ZC3H12B: variants seen among roughly 807,000 people sequenced by gnomAD.
The protein encoded by ZC3H12B is probable ribonuclease ZC3H12B.
ZC3H12B carries 7 observed loss-of-function variants against 43.9 expected under a neutral mutation model. The observed-to-expected ratio is 0.16, with a 90% CI of 0.09 to 0.30. The LOEUF (loss-of-function observed/expected upper bound fraction) is 0.30, where lower values mean the gene tolerates loss of function less well. ZC3H12B is among the 10% of genes least tolerant of loss of function. The pLI, the probability that ZC3H12B is intolerant of heterozygous loss-of-function variation, is 1.00. For synonymous variants in ZC3H12B, 222 were observed against 241.7 expected (o/e 0.92, Z 0.76); for missense variants, 475 against 670.2 (o/e 0.71, Z 3.22).
At chrX:65,349,497 CAAG>C in the ZC3H12B span, among the ~76,000 whole-genome samples, 1 of 111,350 alleles carries the variant, frequency 9.0e-6, no homozygotes, top group Non-Finnish European at 1.9e-5. Context: ...TAGCAGAAGA[CAAG>C]AAATAACTAA....
intron 3 of ZC3H12B, among the ~76,000 whole-genome samples, chrX:65,460,904 C>T (rs199834969): frequency 2.7e-5 from 3 of 111,653 alleles, no homozygotes; most frequent in South Asian, 7.5e-4. Context: ...AAAGAAGCTA[C>T]CACCAGAGTG....
chrX:65,488,363 T>G (rs1192947627), upstream of ZC3H12B, among the ~76,000 whole-genome samples: 2 of 101,929 alleles, frequency 2.0e-5, no homozygotes, highest in South Asian at 5.3e-4. Flanking sequence ...AGCAGATAAC[T>G]TTAGCTGTTA....
the ZC3H12B span, chrX:65,331,082 T>C: frequency 3.2e-6 from 1 of 316,123 alleles, no homozygotes; most frequent in Non-Finnish European, 6.2e-6. Flanking sequence ...AACCCTATTT[T>C]TATTCCACCA....
chrX:65,448,007 T>C (rs186801109), intron 3 of ZC3H12B, among the ~76,000 whole-genome samples: 1,801 of 110,832 alleles, frequency 0.016, 49 homozygotes, highest in African/African-American at 0.056. Context: ...CTGAGGCAGG[T>C]GGATCACGAG....
chrX:65,403,422 A>AAGTT (rs1474937126), intron 3 of ZC3H12B, among the ~76,000 whole-genome samples: 1 of 111,997 alleles, frequency 8.9e-6, no homozygotes, highest in Non-Finnish European at 1.9e-5. Flanking sequence ...CAACAGGATA[A>AAGTT]TAAAAGAGAT....
At chrX:65,119,861 A>G in the ZC3H12B span, among the ~76,000 whole-genome samples, 2 of 112,204 alleles carry the variant, frequency 1.8e-5, no homozygotes, top group African/African-American at 6.5e-5. Flanking sequence ...AGCTTTCTAC[A>G]TATGGCTAGC....
intron 3 of ZC3H12B, among the ~76,000 whole-genome samples, chrX:65,410,107 G>GAAAAAAAAAAAA (rs35885886): frequency 2.2e-5 from 1 of 45,526 alleles, no homozygotes; most frequent in Non-Finnish European, 6.1e-5. Flanking sequence ...TATTAAATCA[G>GAAAAAAAAAAAA]AAAAAAAAAA....
chrX:65,129,084 G>C, the ZC3H12B span, among the ~76,000 whole-genome samples: 61 of 109,839 alleles, frequency 5.6e-4, no homozygotes, highest in African/African-American at 1.9e-3. Context: ...CCGTTTTATT[G>C]TTTGCTTCAG....
At chrX:65,243,540 C>G in the ZC3H12B span, among the ~76,000 whole-genome samples, 1 of 111,485 alleles carries the variant, frequency 9.0e-6, no homozygotes, top group Non-Finnish European at 1.9e-5. Flanking sequence ...ATTAGTATAG[C>G]CACTGTGGAA....
chrX:65,227,232 T>A, the ZC3H12B span, among the ~76,000 whole-genome samples: 1 of 111,142 alleles, frequency 9.0e-6, no homozygotes, highest in Admixed American at 9.6e-5. Context: ...AGAAACTCAC[T>A]CAAAACCGCT....
chrX:65,488,624 T>C, upstream of ZC3H12B: 1 of 426,634 alleles, frequency 2.3e-6, no homozygotes, highest in Non-Finnish European at 3.7e-6. Context: ...AAATATGATG[T>C]GGTATGTGTG....
the ZC3H12B span, among the ~76,000 whole-genome samples, chrX:65,310,707 G>A: frequency 1.8e-5 from 2 of 111,633 alleles, no homozygotes; most frequent in Non-Finnish European, 3.8e-5. Context: ...TAAGCCAAAA[G>A]AACAAAGCTG....
intron 3 of ZC3H12B, among the ~76,000 whole-genome samples, chrX:65,420,646 C>A (rs1039042767): frequency 5.4e-5 from 6 of 111,650 alleles, no homozygotes; most frequent in African/African-American, 2.0e-4. Context: ...GACTGCCTGT[C>A]AATTGAAGAA....
chrX:65,200,365 C>T, the ZC3H12B span, among the ~76,000 whole-genome samples: 1 of 106,428 alleles, frequency 9.4e-6, no homozygotes, highest in East Asian at 3.0e-4. Context: ...GTCAAATATA[C>T]AGATTGCAAA....
At chrX:65,422,526 T>A (rs1333286492) in intron 3 of ZC3H12B, among the ~76,000 whole-genome samples, 3 of 103,850 alleles carry the variant, frequency 2.9e-5, no homozygotes, top group African/African-American at 1.3e-4. Flanking sequence ...ATTAAACATT[T>A]TTTGATGTTT....
At chrX:65,191,378 C>A in the ZC3H12B span, among the ~76,000 whole-genome samples, 1 of 92,278 alleles carries the variant, frequency 1.1e-5, no homozygotes, top group South Asian at 5.5e-4. Context: ...GGAATGGTAC[C>A]AGTTCTTCCT....
the ZC3H12B span, among the ~76,000 whole-genome samples, chrX:65,186,954 T>C: frequency 8.9e-6 from 1 of 112,025 alleles, no homozygotes; most frequent in Non-Finnish European, 1.9e-5. Context: ...TTTGGGCTGG[T>C]TCCATATTTT....
chrX:65,298,261 T>A, the ZC3H12B span, among the ~76,000 whole-genome samples: 6 of 111,741 alleles, frequency 5.4e-5, no homozygotes, highest in African/African-American at 2.0e-4. Flanking sequence ...GACAAAGGAC[T>A]AATATCCAGA....
intron 1 of ZC3H12B, among the ~76,000 whole-genome samples, chrX:65,489,727 G>T (rs2068178193): frequency 8.9e-6 from 1 of 111,786 alleles, no homozygotes; most frequent in Admixed American, 9.5e-5. Context: ...TCCTGAAAAT[G>T]CTGCTTTTAT....
Sources: allele counts gnomAD v4.1 joint callset (sites outside exome capture counted in the v4.1 genomes callset), GRCh38; gene constraint gnomAD v4.1.1; transcripts MANE v1.5; gene names NCBI Gene and HGNC (gene_info 2026-07-23, HGNC 2026-07-21).